The following MEAK7 variants were observed in gnomAD, a reference collection of about 807,000 sequenced individuals.
MEAK7 encodes MTOR associated protein MEAK7.
Under a neutral mutation model 40.5 loss-of-function variants are expected in MEAK7, and 68 were observed. That is an observed-to-expected ratio of 1.68 (90% CI 1.38 to 2.06). MEAK7 has a LOEUF of 2.06. Among genes scored for constraint, MEAK7 ranks in the 30% most tolerant of loss-of-function variants. The pLI, the probability that MEAK7 is intolerant of heterozygous loss-of-function variation, is 0.00. For synonymous variants in MEAK7, 338 were observed against 231.9 expected (o/e 1.46, Z -4.16); for missense variants, 918 against 580.5 (o/e 1.58, Z -5.98).
intron 7 of MEAK7, 142 bp from the exon 8 acceptor site, chr16:84,480,168 G>A (rs1256027911): frequency 3.0e-6 from 2 of 659,678 alleles, no homozygotes; most frequent in African/African-American, 1.8e-5. Flanking sequence ...TTCAGTGGCT[G>A]GGTGGGTAGG....
rs1278795796 is a variant in MEAK7, at chr16:84,476,890, C to G, written c.*3023G>C. ...ATCCTTTTATCTTTTTTTTCTAAAC[C>G]AGGTACACAATTTTTTTTAAACATA... On this transcript the variant is annotated 3_prime_UTR_variant, in exon 8 of 8. Transcript: ENST00000343629. The G allele has an allele frequency of 6.6e-6, 1 of 152,096 alleles. No individual in the cohort carries two copies. The highest frequency in any genetic ancestry group is 1.5e-5 in the Non-Finnish European group (1 of 68,016). 9.4% of individuals were successfully genotyped at this position (152,096 alleles called of 1,614,324 possible). A position where few individuals can be genotyped will look rare whatever the true frequency, so the allele number is the denominator to read the frequency against.
At position 84,479,688 on chromosome 16, in the gene MEAK7, T is replaced by G. The variant is rs1038734495; in HGVS notation, c.*225A>C. ...TGGAGAGATCCTGAGGGTGACCCTG[T>G]AGGGAAAAAAAGAAAACTTAAAAAA... On this transcript the variant is annotated 3_prime_UTR_variant, in exon 8 of 8. Coordinates refer to ENST00000343629, the MANE Select transcript of MEAK7 (RefSeq NM_020947.4). 9 of 390,996 alleles carry G rather than the reference T, an allele frequency of 2.3e-5. No individual in the cohort carries two copies. The highest frequency in any genetic ancestry group is 1.4e-4 in the African/African-American group (7 of 48,552). 24.2% of individuals were successfully genotyped at this position (390,996 alleles called of 1,614,324 possible). A position where few individuals can be genotyped will look rare whatever the true frequency, so the allele number is the denominator to read the frequency against.
chr16:84,504,103 T>C (rs929878671), intron 1 of MEAK7: 106 of 985,392 alleles, frequency 1.1e-4, no homozygotes, highest in Non-Finnish European at 1.2e-4. Context: ...ACCTGTCCTG[T>C]GCTGGCCACC....
chr16:84,482,105 C>T (rs568861711), intron 6 of MEAK7, among the ~76,000 whole-genome samples: 1 of 152,132 alleles, frequency 6.6e-6, no homozygotes, highest in Non-Finnish European at 1.5e-5. Context: ...AGGCCTCCCC[C>T]GCTTCCCCCT....
chr16:84,483,780 G>C (rs555622447), intron 5 of MEAK7, among the ~76,000 whole-genome samples: 1 of 152,334 alleles, frequency 6.6e-6, no homozygotes, highest in Admixed American at 6.5e-5. Context: ...CTGAAACAGA[G>C]CTGGCTGGGG....
At position 84,480,561 on chromosome 16, in the gene MEAK7, A is replaced by C. The variant is rs772604147; in HGVS notation, c.1225T>G (p.Trp409Gly). 5.0e-6 allele frequency: 8 copies of C among 1,613,594 alleles called. No individual in the cohort carries two copies. Among genetic ancestry groups the C allele is most frequent in the Non-Finnish European group, 6.8e-6 (8 of 1,179,788 alleles). Residue 409 changes from tryptophan (W) to glycine (G), a missense_variant, in exon 7 of 8, where the codon TGG becomes GGG. Physicochemically the swap from Trp to Gly is radical, Grantham distance 184. Coordinates refer to ENST00000343629, the MANE Select transcript of MEAK7 (RefSeq NM_020947.4). The stretch of plus-strand genomic sequence containing the variant: ...TCCTCTGAGGGGTCTCCAACCGCCC[A>C]CACCTCCATCTTATCAAACTGGAAG... ...ENFQFDKMEVWAVGDPSEEQL... is the reference protein window; with the variant it reads ...ENFQFDKMEVGAVGDPSEEQL...
chr16:84,503,981 A>G (rs1914696236), intron 1 of MEAK7: 2 of 985,480 alleles, frequency 2.0e-6, no homozygotes, highest in Non-Finnish European at 1.2e-6. Flanking sequence ...GGAGATTCCA[A>G]CTGCCTCATC....
At chr16:84,497,194 G>A (rs1245609694) in intron 2 of MEAK7, 1 of 332,844 alleles carries the variant, frequency 3.0e-6, no homozygotes, top group Non-Finnish European at 5.9e-6. Flanking sequence ...GAGGGAGGAG[G>A]CTGCTAGGAT....
chr16:84,485,172 C>T (rs373273807), intron 5 of MEAK7, among the ~76,000 whole-genome samples: 54 of 152,296 alleles, frequency 3.5e-4, no homozygotes, highest in African/African-American at 7.9e-4. Context: ...AGAGAGTGGC[C>T]GTGGCAAGGC....
rs923589637 is a variant in MEAK7 at position 84,478,644 on chromosome 16, C to G, written c.*1269G>C. Reference sequence around the variant, plus strand: ...CCGTGTGTTGTTTTCCAGACGTGGGCAGATGGCAGCTCTGCTGACCCCACA... The same window carrying G: ...CCGTGTGTTGTTTTCCAGACGTGGGGAGATGGCAGCTCTGCTGACCCCACA... On this transcript the variant is annotated 3_prime_UTR_variant, in exon 8 of 8. Coordinates refer to ENST00000343629, the MANE Select transcript of MEAK7 (RefSeq NM_020947.4). 3 of 152,236 alleles carry G rather than the reference C, an allele frequency of 2.0e-5. No individual in the cohort carries two copies. The highest frequency in any genetic ancestry group is 4.8e-5 in the African/African-American group (2 of 41,448). 9.4% of individuals were successfully genotyped at this position (152,236 alleles called of 1,614,324 possible).
chr16:84,498,122 A>C lies in MEAK7; in HGVS notation c.-25-11T>G. 3 of 1,550,824 alleles carry C rather than the reference A, an allele frequency of 1.9e-6. No individual in the cohort carries two copies. Among genetic ancestry groups the C allele is most frequent in the Non-Finnish European group, 2.6e-6 (3 of 1,153,214 alleles). ...ATCTGGCAGAATTCTCTGCAGAAGGAAAAGACACAACATTAGAAAAATCAA... is the reference window on the plus strand; with the variant it reads ...ATCTGGCAGAATTCTCTGCAGAAGGCAAAGACACAACATTAGAAAAATCAA... On this transcript the variant is annotated splice_polypyrimidine_tract_variant and intron_variant, in intron 1 of 7. Coordinates refer to ENST00000343629, the MANE Select transcript of MEAK7 (RefSeq NM_020947.4).
intron 1 of MEAK7, among the ~76,000 whole-genome samples, chr16:84,499,223 T>A (rs776084581): frequency 1.3e-5 from 2 of 152,086 alleles, no homozygotes; most frequent in African/African-American, 2.4e-5. Flanking sequence ...AAAAGCATGG[T>A]TGGAAATGAA....
chr16:84,481,994 G>T (rs1912596966), intron 6 of MEAK7, among the ~76,000 whole-genome samples: 1 of 152,138 alleles, frequency 6.6e-6, no homozygotes, highest in South Asian at 2.1e-4. Flanking sequence ...AATCAGCAGG[G>T]GAGCTGGCAG....
In MEAK7 at chr16:84,482,595, T is replaced by C; in HGVS notation, c.1074A>G (p.Gly358=). The C allele has an allele frequency of 6.2e-7, 1 of 1,614,154 alleles. No homozygotes were observed. Among genetic ancestry groups the C allele is most frequent in the Non-Finnish European group, 8.5e-7 (1 of 1,179,984 alleles). ...LNHGQQTIPN[G]LGMGGQHNYF... ...ACCACGCTCTGCCCGGGCTCACCAG[T>C]CCGTTCGGGATCGTCTGCTGTCCAT... The change falls in exon 6 of 8, where the codon GGA becomes GGG. Residue 358 remains glycine, a synonymous_variant. Coordinates refer to ENST00000343629, the MANE Select transcript of MEAK7 (RefSeq NM_020947.4).
At chr16:84,486,365 C>T in intron 5 of MEAK7, 2 of 1,078,808 alleles carry the variant, frequency 1.9e-6, no homozygotes, top group Non-Finnish European at 2.4e-6. Context: ...GGCTTGACTT[C>T]TCCCACGCCC....
chr16:84,486,423 A>T, intron 5 of MEAK7: 1 of 1,359,922 alleles, frequency 7.4e-7, no homozygotes, highest in Non-Finnish European at 9.4e-7. Context: ...CTCGCCTGAA[A>T]ACTGGGGGTC....
intron 7 of MEAK7, 80 bp from the exon 8 acceptor site, chr16:84,480,106 T>A: frequency 8.5e-7 from 1 of 1,179,406 alleles, no homozygotes; most frequent in Non-Finnish European, 1.2e-6. Flanking sequence ...TTTCCAGCCT[T>A]CTTGGGTGGA....
In MEAK7 at chr16:84,477,029, C is replaced by A; in HGVS notation, c.*2884G>T. 6.6e-6 allele frequency: 1 copy of A among 152,064 alleles called. No homozygotes were observed. Among genetic ancestry groups the A allele is most frequent in the South Asian group, 2.1e-4 (1 of 4,842 alleles). 9.4% of individuals were successfully genotyped at this position (152,064 alleles called of 1,614,324 possible). On this transcript the variant is annotated 3_prime_UTR_variant, in exon 8 of 8. Coordinates refer to ENST00000343629, the MANE Select transcript of MEAK7 (RefSeq NM_020947.4). ...ACCTCAGCCTCCCAAGTAGCTAGGA[C>A]CACAGGCATGTGTTACCATGCCTGG...
chr16:84,504,297 T>G lies in MEAK7; in HGVS notation c.-26+304A>C, dbSNP rs563413220. The stretch of plus-strand genomic sequence containing the variant: ...GCTCTGAATCCCCCTTCAACACGGC[T>G]GGCCTTGGCCCTGGGGGAAGCACCT... On this transcript the variant is annotated intron_variant, in intron 1 of 7. Coordinates refer to ENST00000343629, the MANE Select transcript of MEAK7 (RefSeq NM_020947.4). 34 of 394,096 alleles carry G rather than the reference T, an allele frequency of 8.6e-5. 1 individual carries two copies. In the South Asian group the frequency reaches 3.1e-3, roughly 36 times the overall value. 24.4% of individuals were successfully genotyped at this position (394,096 alleles called of 1,614,324 possible).
Sources: allele counts gnomAD v4.1 joint callset (sites outside exome capture counted in the v4.1 genomes callset), GRCh38; gene constraint gnomAD v4.1.1; transcripts MANE v1.5; gene names NCBI Gene and HGNC (gene_info 2026-07-23, HGNC 2026-07-21).